The following MSRA variants were observed in gnomAD, a reference collection of about 807,000 sequenced individuals.
The protein encoded by MSRA is mitochondrial peptide methionine sulfoxide reductase.
In MSRA, 54 loss-of-function variants were observed where a neutral mutation model predicts 31.3. The ratio of observed to expected loss-of-function variants is 1.73; its 90% CI spans 1.39 to 2.17. The LOEUF is 2.17. Ranked by LOEUF, MSRA falls within the 30% of genes most tolerant of loss-of-function variation. The probability of loss-of-function intolerance (pLI) is 0.00; values close to 1 mark genes in which losing one functional copy is unlikely to be tolerated. For missense variants in MSRA, 507 were observed against 300.9 expected (o/e 1.69, Z -5.07); for synonymous variants, 169 against 116.5 (o/e 1.45, Z -2.90).
intron 1 of MSRA, among the ~76,000 whole-genome samples, chr8:10,109,333 T>C (rs1800112414): frequency 6.7e-6 from 1 of 149,684 alleles, no homozygotes; most frequent in South Asian, 2.1e-4. Context: ...TTTACTTTTC[T>C]TTTCTTTTCT....
intron 1 of MSRA, among the ~76,000 whole-genome samples, chr8:10,108,031 A>T (rs1800011425): frequency 6.6e-6 from 1 of 152,134 alleles, no homozygotes; most frequent in African/African-American, 2.4e-5. Flanking sequence ...TGGTGGTGAC[A>T]GAATATAGGG....
chr8:10,195,969 G>A (rs1378707156), intron 1 of MSRA, among the ~76,000 whole-genome samples: 1 of 152,192 alleles, frequency 6.6e-6, no homozygotes, highest in African/African-American at 2.4e-5. Context: ...GTGTTGGTCT[G>A]GAACAGATTG....
At chr8:10,076,351 G>C (rs545498577) in intron 1 of MSRA, among the ~76,000 whole-genome samples, 8 of 152,152 alleles carry the variant, frequency 5.3e-5, no homozygotes, top group East Asian at 1.9e-4. Flanking sequence ...CAAGAGCTGC[G>C]GTGTATGGCA....
At chr8:10,169,917 C>CTTTTTTTT (rs71538069) in intron 1 of MSRA, among the ~76,000 whole-genome samples, 1 of 131,946 alleles carries the variant, frequency 7.6e-6, no homozygotes, top group Admixed American at 7.5e-5. Context: ...TTCTTTCTTT[C>CTTTTTTTT]TTTTTTTTTT....
At chr8:10,159,306 G>A (rs1469184013) in intron 1 of MSRA, among the ~76,000 whole-genome samples, 1 of 152,206 alleles carries the variant, frequency 6.6e-6, no homozygotes, top group Non-Finnish European at 1.5e-5. Context: ...AGAGTGGTGT[G>A]TGCAGATCTG....
intron 1 of MSRA, among the ~76,000 whole-genome samples, chr8:10,099,788 G>T (rs1799414315): frequency 6.6e-6 from 1 of 152,180 alleles, no homozygotes; most frequent in Admixed American, 6.5e-5. Flanking sequence ...ATGAAACAAG[G>T]ACTTGCCTGG....
chr8:10,097,284 C>G (rs1799223007), intron 1 of MSRA, among the ~76,000 whole-genome samples: 1 of 152,158 alleles, frequency 6.6e-6, no homozygotes, highest in African/African-American at 2.4e-5. Flanking sequence ...AATGAAATCA[C>G]TTAACATTTA....
At chr8:10,155,067 A>G (rs963928478) in intron 1 of MSRA, among the ~76,000 whole-genome samples, 2 of 149,388 alleles carry the variant, frequency 1.3e-5, no homozygotes, top group African/African-American at 2.5e-5. Flanking sequence ...TATGATTAAC[A>G]GAATCATTAA....
chr8:10,428,168 C>T lies in MSRA; in HGVS notation c.564C>T (p.Phe188=), dbSNP rs569323386. ...CACAGGTTCTTTCAGAGCACGGCTT[C>T]GGCCCCATCACTACCGACATCCGGG... ...NYQKVLSEHG[F]GPITTDIREG... is the part of the protein sequence containing the mutation. Residue 188 remains phenylalanine (F), a synonymous_variant, in exon 6 of 6, where the codon TTC becomes TTT. Transcript: ENST00000317173. 3.5e-5 allele frequency: 56 copies of T among 1,613,928 alleles called. No homozygotes were observed. Among genetic ancestry groups the T allele is most frequent in the South Asian group, 1.2e-4 (11 of 91,042 alleles).
At chr8:10,299,734 ATGT>A (rs1382306218) in intron 3 of MSRA, among the ~76,000 whole-genome samples, 1 of 152,194 alleles carries the variant, frequency 6.6e-6, no homozygotes, top group East Asian at 1.9e-4. Context: ...AGGATTAAAA[ATGT>A]TGTAATGGTG....
At chr8:10,247,335 C>G (rs1418486919) in intron 3 of MSRA, among the ~76,000 whole-genome samples, 1 of 152,180 alleles carries the variant, frequency 6.6e-6, no homozygotes, top group African/African-American at 2.4e-5. Context: ...AGCTCAAAGT[C>G]TATGCCATTG....
chr8:10,348,070 C>A (rs1266305645), intron 5 of MSRA, among the ~76,000 whole-genome samples: 1 of 152,128 alleles, frequency 6.6e-6, no homozygotes, highest in Non-Finnish European at 1.5e-5. Context: ...TCTAGAATAA[C>A]CCTCACGTTA....
intron 3 of MSRA, among the ~76,000 whole-genome samples, chr8:10,292,909 C>T (rs1371099533): frequency 6.6e-6 from 1 of 152,098 alleles, no homozygotes; most frequent in Non-Finnish European, 1.5e-5. Flanking sequence ...AGGTTGCTGT[C>T]ATACCAGTGA....
At chr8:10,378,426 C>T (rs1805872022) in intron 5 of MSRA, among the ~76,000 whole-genome samples, 2 of 152,224 alleles carry the variant, frequency 1.3e-5, no homozygotes, top group African/African-American at 4.8e-5. Flanking sequence ...GGCTAATCCC[C>T]TGGTGATAAT....
intron 5 of MSRA, among the ~76,000 whole-genome samples, chr8:10,352,126 A>C (rs1488970774): frequency 2.6e-5 from 4 of 152,208 alleles, no homozygotes; most frequent in Non-Finnish European, 5.9e-5. Context: ...GGCATCAGCT[A>C]TTTTGTGTGC....
intron 1 of MSRA, among the ~76,000 whole-genome samples, chr8:10,059,579 T>C (rs1802590240): frequency 6.6e-6 from 1 of 152,212 alleles, no homozygotes; most frequent in African/African-American, 2.4e-5. Context: ...GACTTAACCA[T>C]GACTTGAAAA....
intron 3 of MSRA, among the ~76,000 whole-genome samples, chr8:10,298,031 G>A (rs1042978233): frequency 1.3e-5 from 2 of 152,152 alleles, no homozygotes; most frequent in African/African-American, 2.4e-5. Context: ...CTTCATCCCC[G>A]GTTGAAACCT....
chr8:10,382,412 C>T (rs776110088), intron 5 of MSRA, among the ~76,000 whole-genome samples: 2 of 152,176 alleles, frequency 1.3e-5, no homozygotes, highest in Non-Finnish European at 2.9e-5. Flanking sequence ...CCAGAGTCGC[C>T]CTTGTACTGC....
At chr8:10,408,855 A>G (rs897176275) in intron 5 of MSRA, among the ~76,000 whole-genome samples, 1 of 151,616 alleles carries the variant, frequency 6.6e-6, no homozygotes, top group Non-Finnish European at 1.5e-5. Flanking sequence ...CACTTAGCAT[A>G]ATGGCCTCCA....
Sources: allele counts gnomAD v4.1 joint callset (sites outside exome capture counted in the v4.1 genomes callset), GRCh38; gene constraint gnomAD v4.1.1; transcripts MANE v1.5; gene names NCBI Gene and HGNC (gene_info 2026-07-23, HGNC 2026-07-21).